The following RNF220 variants were observed in gnomAD, a reference collection of about 807,000 sequenced individuals.
RNF220 encodes the protein ring finger protein 220, also known as E3 ubiquitin-protein ligase RNF220.
Under a neutral mutation model 67.1 loss-of-function variants are expected in RNF220, and 7 were observed. That is an observed-to-expected ratio of 0.10 (90% CI 0.06 to 0.20). The LOEUF is 0.20. Among genes scored for constraint, RNF220 ranks in the 10% least tolerant of loss-of-function variants. The pLI is 1.00. For missense variants in RNF220, 565 were observed against 740.3 expected (o/e 0.76, Z 2.75); for synonymous variants, 270 against 283.2 (o/e 0.95, Z 0.47).
intron 2 of RNF220, among the ~76,000 whole-genome samples, chr1:44,513,631 A>G (rs1384609112): frequency 6.6e-6 from 1 of 152,212 alleles, no homozygotes; most frequent in Admixed American, 6.5e-5. Context: ...CCTGGCTTTG[A>G]CAGGGCCCAT....
At chr1:44,540,418 C>A (rs758963653) in intron 2 of RNF220, among the ~76,000 whole-genome samples, 32 of 152,312 alleles carry the variant, frequency 2.1e-4, no homozygotes, top group Admixed American at 7.2e-4. Flanking sequence ...CACATCACCC[C>A]CTGACAGGCC....
intron 2 of RNF220, among the ~76,000 whole-genome samples, chr1:44,426,588 A>G (rs768906340): frequency 3.3e-5 from 5 of 152,170 alleles, no homozygotes; most frequent in Middle Eastern, 3.4e-3. Flanking sequence ...TTAGTCAGGC[A>G]TGGTGGCACA....
intron 5 of RNF220, among the ~76,000 whole-genome samples, chr1:44,631,205 G>A (rs912035749): frequency 3.3e-5 from 5 of 152,242 alleles, no homozygotes; most frequent in South Asian, 2.1e-4. Context: ...CTTCACAAGC[G>A]ATGATAACGG....
rs538471504 is a variant in RNF220 at position 44,508,358 on chromosome 1, G to A, written c.625+95636G>A. 5.9e-5 allele frequency among the ~76,000 whole-genome samples: 9 copies of A among 152,248 alleles called. No homozygotes were observed. The South Asian group carries it at 1.9e-3, about 32-fold the overall frequency. On this transcript the variant is annotated intron_variant, in intron 2 of 14. Transcript: ENST00000361799. ...AAGGAGAGATGGGCGAGTCGTGTGG[G>A]GTCAGCAGGTGGATGAAGGCTTACT...
chr1:44,481,760 C>T (rs980143224), intron 2 of RNF220, among the ~76,000 whole-genome samples: 1 of 151,952 alleles, frequency 6.6e-6, no homozygotes, highest in Non-Finnish European at 1.5e-5. Flanking sequence ...CTTTTTTGTT[C>T]TTGAGAGAAG....
chr1:44,612,531 A>G (rs1643357841), intron 2 of RNF220, among the ~76,000 whole-genome samples: 1 of 152,206 alleles, frequency 6.6e-6, no homozygotes, highest in Non-Finnish European at 1.5e-5. Context: ...CTGGGCATCC[A>G]AGGGAGCCGT....
At chr1:44,413,039 A>C (rs1000387931) in intron 2 of RNF220, among the ~76,000 whole-genome samples, 3 of 152,176 alleles carry the variant, frequency 2.0e-5, no homozygotes, top group African/African-American at 7.2e-5. Context: ...TCATTTCATT[A>C]AGAAGTGTCG....
At chr1:44,476,418 G>C (rs1655303766) in intron 2 of RNF220, among the ~76,000 whole-genome samples, 1 of 152,208 alleles carries the variant, frequency 6.6e-6, no homozygotes, top group Non-Finnish European at 1.5e-5. Flanking sequence ...CAAAGATCTT[G>C]ACTTGAAGAA....
chr1:44,539,004 T>C (rs1409100653), intron 2 of RNF220, among the ~76,000 whole-genome samples: 1 of 150,322 alleles, frequency 6.7e-6, no homozygotes, highest in Non-Finnish European at 1.5e-5. Context: ...GCGGATCACC[T>C]GAGCTCAGGA....
At chr1:44,513,403 C>G (rs1214603675) in intron 2 of RNF220, among the ~76,000 whole-genome samples, 3 of 152,194 alleles carry the variant, frequency 2.0e-5, no homozygotes, top group Non-Finnish European at 4.4e-5. Context: ...TTTCTTTCTC[C>G]TCTTTTCTCT....
At chr1:44,591,139 G>A (rs1666087633) in intron 2 of RNF220, among the ~76,000 whole-genome samples, 1 of 152,148 alleles carries the variant, frequency 6.6e-6, no homozygotes, top group South Asian at 2.1e-4. Flanking sequence ...TTTTGGTAGA[G>A]ACAAGGTTTC....
chr1:44,461,709 A>G (rs920663739), intron 2 of RNF220, among the ~76,000 whole-genome samples: 13 of 152,200 alleles, frequency 8.5e-5, no homozygotes, highest in African/African-American at 3.1e-4. Flanking sequence ...GTCAGGGGAC[A>G]TGAATGTGTC....
chr1:44,465,951 T>C (rs1654235964), intron 2 of RNF220, among the ~76,000 whole-genome samples: 1 of 152,192 alleles, frequency 6.6e-6, no homozygotes, highest in South Asian at 2.1e-4. Flanking sequence ...GGCGTAGCTG[T>C]GGCAATTTCT....
chr1:44,570,249 C>A (rs1384239287), intron 2 of RNF220, among the ~76,000 whole-genome samples: 1 of 152,176 alleles, frequency 6.6e-6, no homozygotes, highest in African/African-American at 2.4e-5. Flanking sequence ...AGGTCCTGTT[C>A]CTGACTCACC....
chr1:44,442,583 C>T (rs1572515710), intron 2 of RNF220, among the ~76,000 whole-genome samples: 5 of 145,672 alleles, frequency 3.4e-5, no homozygotes, highest in Middle Eastern at 3.7e-3. Flanking sequence ...GATGTGGTCT[C>T]GCCTCACTGC....
chr1:44,430,520 C>T (rs1650247351), intron 2 of RNF220, among the ~76,000 whole-genome samples: 1 of 152,032 alleles, frequency 6.6e-6, no homozygotes, highest in Non-Finnish European at 1.5e-5. Flanking sequence ...AAAACTATTC[C>T]AAAATAAAAG....
chr1:44,490,781 A>G (rs1473344126), intron 2 of RNF220, among the ~76,000 whole-genome samples: 1 of 152,114 alleles, frequency 6.6e-6, no homozygotes, highest in South Asian at 2.1e-4. Flanking sequence ...ACAAAGAAGA[A>G]CATCAACACA....
chr1:44,416,287 G>C (rs1319799422), intron 2 of RNF220, among the ~76,000 whole-genome samples: 2 of 152,210 alleles, frequency 1.3e-5, no homozygotes, highest in East Asian at 3.8e-4. Flanking sequence ...GGGAAATAAT[G>C]CTAAAATTTA....
chr1:44,405,625 C>T (rs1647257066), intron 1 of RNF220, 95 bp downstream of exon 1: 3 of 274,486 alleles, frequency 1.1e-5, no homozygotes, highest in African/African-American at 6.8e-5. Context: ...GCTAACTTTC[C>T]GGGTCCGTTT....
Sources: gnomAD v4.1 joint callset for allele counts (sites outside exome capture counted in the v4.1 genomes callset) on GRCh38, gnomAD v4.1.1 for gene constraint, MANE v1.5 for transcripts, NCBI Gene and HGNC (gene_info 2026-07-23, HGNC 2026-07-21) for gene names.